Variants in TEX11 observed in about 807,000 individuals in gnomAD.
TEX11 encodes testis-expressed protein 11.
Under a neutral mutation model 84.4 loss-of-function variants are expected in TEX11, and 7 were observed. The observed-to-expected ratio is 0.08, with a 90% CI of 0.05 to 0.16. The LOEUF (loss-of-function observed/expected upper bound fraction) is 0.16, where lower values mean the gene tolerates loss of function less well. Ranked by LOEUF, TEX11 falls within the 10% of genes least tolerant of loss-of-function variation. The probability of loss-of-function intolerance (pLI) is 1.00; values close to 1 mark genes in which losing one functional copy is unlikely to be tolerated. For missense variants in TEX11, 551 were observed against 660.5 expected, an observed-to-expected ratio of 0.83 and a Z score of 1.82; for synonymous variants, 264 against 222.8, an observed-to-expected ratio of 1.18 and a Z score of -1.64.
chrX:70,649,082 G>A (rs1470436137), intron 17 of TEX11, among the ~76,000 whole-genome samples: 1 of 111,952 alleles, frequency 8.9e-6, no homozygotes, highest in Non-Finnish European at 1.9e-5. Flanking sequence ...ATTCCACGGT[G>A]TATATGTACC....
chrX:70,763,577 C>T (rs992538822), intron 9 of TEX11, among the ~76,000 whole-genome samples: 5 of 104,458 alleles, frequency 4.8e-5, no homozygotes, highest in African/African-American at 1.4e-4. Flanking sequence ...ACTACCTGTT[C>T]GAAAAAAAAA....
At chrX:70,691,406 T>C (rs1273201754) in intron 13 of TEX11, among the ~76,000 whole-genome samples, 9 of 112,168 alleles carry the variant, frequency 8.0e-5, no homozygotes, top group African/African-American at 2.9e-4. Context: ...AATGTGGAAG[T>C]AACCCAAGTG....
chrX:70,731,164 G>C (rs1333499138), intron 11 of TEX11, among the ~76,000 whole-genome samples: 1 of 111,732 alleles, frequency 8.9e-6, no homozygotes, highest in Admixed American at 9.5e-5. Flanking sequence ...GTGTGTAGAG[G>C]GAAATTTATA....
At chrX:70,537,551 A>G (rs1177443977) in intron 28 of TEX11, among the ~76,000 whole-genome samples, 1 of 110,671 alleles carries the variant, frequency 9.0e-6, no homozygotes, top group African/African-American at 3.3e-5. Context: ...AAGCAAATAA[A>G]GAAATAAAGA....
chrX:70,865,162 C>A (rs2091592734), intron 4 of TEX11, among the ~76,000 whole-genome samples: 1 of 111,357 alleles, frequency 9.0e-6, no homozygotes, highest in Admixed American at 9.6e-5. Context: ...ATCTCACACA[C>A]AGAGACACAC....
At chrX:70,800,317 A>C (rs2091179769) in intron 9 of TEX11, among the ~76,000 whole-genome samples, 1 of 110,912 alleles carries the variant, frequency 9.0e-6, no homozygotes, top group African/African-American at 3.3e-5. Flanking sequence ...TGGGTGATGA[A>C]ATAATCTGTA....
chrX:70,594,903 T>G (rs1451994646), intron 24 of TEX11, among the ~76,000 whole-genome samples: 1 of 111,084 alleles, frequency 9.0e-6, no homozygotes, highest in Non-Finnish European at 1.9e-5. Flanking sequence ...GAACTATGAG[T>G]CAATTAAACC....
intron 17 of TEX11, among the ~76,000 whole-genome samples, chrX:70,634,140 G>A (rs1194970571): frequency 1.8e-5 from 2 of 111,253 alleles, no homozygotes; most frequent in Non-Finnish European, 3.8e-5. Context: ...AAAATATAGT[G>A]TACTTAGGGA....
chrX:70,639,530 T>G (rs971659377), intron 17 of TEX11, among the ~76,000 whole-genome samples: 2 of 111,934 alleles, frequency 1.8e-5, no homozygotes, highest in South Asian at 3.7e-4. Flanking sequence ...TCTGACAGCT[T>G]TGAAGAGAGC....
chrX:70,818,313 A>AAAGAAAAAG, intron 8 of TEX11, among the ~76,000 whole-genome samples: 1 of 104,479 alleles, frequency 9.6e-6, no homozygotes, highest in East Asian at 3.1e-4. Context: ...AAAAAAAGAA[A>AAAGAAAAAG]AAGAAGAAGA....
At chrX:70,885,951 TG>T (rs746367920) in intron 2 of TEX11, among the ~76,000 whole-genome samples, 1 of 108,587 alleles carries the variant, frequency 9.2e-6, no homozygotes, top group East Asian at 2.9e-4. Flanking sequence ...GAAGTATTGG[TG>T]AGGATGTAGA....
At chrX:70,587,720 A>T (rs1296870665) in intron 25 of TEX11, among the ~76,000 whole-genome samples, 2 of 111,930 alleles carry the variant, frequency 1.8e-5, no homozygotes, top group Admixed American at 1.9e-4. Context: ...GAGCTGTAAG[A>T]AGAGGGCCAC....
At chrX:70,844,902 T>C (rs1222959793) in intron 7 of TEX11, among the ~76,000 whole-genome samples, 1 of 108,952 alleles carries the variant, frequency 9.2e-6, no homozygotes, top group Non-Finnish European at 1.9e-5. Flanking sequence ...GCCACTGCAC[T>C]CCAACCTGTG....
intron 20 of TEX11, among the ~76,000 whole-genome samples, 190 bp from the exon 21 acceptor site, chrX:70,610,733 C>A (rs949538483): frequency 1.8e-5 from 2 of 111,519 alleles, no homozygotes; most frequent in Non-Finnish European, 3.8e-5. Flanking sequence ...TACTCATTCC[C>A]AGTGCCCTCA....
intron 17 of TEX11, among the ~76,000 whole-genome samples, chrX:70,638,552 C>T (rs919781139): frequency 1.8e-5 from 2 of 110,650 alleles, no homozygotes; most frequent in Non-Finnish European, 3.8e-5. Context: ...GTAATCCCAG[C>T]ACTTTGGGAG....
intron 25 of TEX11, among the ~76,000 whole-genome samples, chrX:70,582,567 A>G (rs987857463): frequency 9.0e-6 from 1 of 111,151 alleles, no homozygotes; most frequent in African/African-American, 3.3e-5. Context: ...GTGTTTTACA[A>G]GAATAATTCT....
At position 70,752,007 on chromosome X, in the gene TEX11, A is replaced by G. The variant is rs758887247; in HGVS notation, c.693-7788T>C. On this transcript the variant is annotated intron_variant, in intron 9 of 29. Transcript: ENST00000374333. The stretch of plus-strand genomic sequence containing the variant: ...TGTAATATATTCGATAACGATTAAC[A>G]CAAAAGAGCAGATTGGGTGGGAAAG... Among the ~76,000 whole-genome samples, 293 of 112,559 alleles carry G rather than the reference A, an allele frequency of 2.6e-3. 2 individuals carry two copies. Among genetic ancestry groups the G allele is most frequent in the African/African-American group, 8.9e-3 (277 of 31,021 alleles).
At chrX:70,799,553 C>T (rs1404902776) in intron 9 of TEX11, among the ~76,000 whole-genome samples, 1 of 111,644 alleles carries the variant, frequency 9.0e-6, no homozygotes, top group Admixed American at 9.5e-5. Context: ...CTTGAGCATC[C>T]CAAAAAACTG....
chrX:70,792,266 C>G (rs1815172013), intron 9 of TEX11, among the ~76,000 whole-genome samples: 1 of 66,900 alleles, frequency 1.5e-5, no homozygotes, highest in African/African-American at 5.9e-5. Flanking sequence ...CCAGCCTGAG[C>G]TACAGGGCAA....
Sources: gnomAD v4.1 joint callset for allele counts (sites outside exome capture counted in the v4.1 genomes callset) on GRCh38, gnomAD v4.1.1 for gene constraint, MANE v1.5 for transcripts, NCBI Gene and HGNC (gene_info 2026-07-23, HGNC 2026-07-21) for gene names.